MAGI1: variants seen among roughly 807,000 people sequenced by gnomAD.
MAGI1 encodes membrane-associated guanylate kinase, WW and PDZ domain-containing protein 1.
MAGI1 carries 58 observed loss-of-function variants against 139.9 expected under a neutral mutation model. That is an observed-to-expected ratio of 0.41 (90% CI 0.34 to 0.52). The LOEUF is 0.52. Ranked by LOEUF, MAGI1 falls within the 20% of genes least tolerant of loss-of-function variation. The pLI is 0.12. For synonymous variants in MAGI1, 812 were observed against 737.9 expected (o/e 1.10, Z -1.63); for missense variants, 1,874 against 1,901.6 (o/e 0.99, Z 0.27).
rs1207764959 is a variant in MAGI1 at position 65,418,302 on chromosome 3, C to G, written c.2167+11218G>C. Among the ~76,000 whole-genome samples the G allele has an allele frequency of 2.0e-5, 3 of 152,164 alleles. No homozygotes were observed. In the East Asian group the frequency reaches 5.8e-4, roughly 29 times the overall value. ...CTAACTAGATTGTGAGTACTATTTT[C>G]TCCTTATTTCAGAACTGTGCACAAA... On this transcript the variant is annotated intron_variant, in intron 12 of 22. Transcript: ENST00000402939.
intron 5 of MAGI1, among the ~76,000 whole-genome samples, chr3:65,460,081 C>T (rs1949670876): frequency 6.6e-6 from 1 of 152,138 alleles, no homozygotes; most frequent in Admixed American, 6.5e-5. Flanking sequence ...AAGAAATTTC[C>T]CTTAATTCCT....
At chr3:65,423,535 A>T (rs1265130651) in intron 12 of MAGI1, among the ~76,000 whole-genome samples, 1 of 152,244 alleles carries the variant, frequency 6.6e-6, no homozygotes, top group Non-Finnish European at 1.5e-5. Flanking sequence ...TACTTTGCCC[A>T]CAGACTTCAG....
intron 1 of MAGI1, among the ~76,000 whole-genome samples, chr3:65,760,610 G>A (rs1433790337): frequency 6.6e-6 from 1 of 152,062 alleles, no homozygotes; most frequent in African/African-American, 2.4e-5. Context: ...GTCTCCCTAT[G>A]TTGCCCAGTC....
At chr3:66,012,369 C>G (rs2067367365) in intron 1 of MAGI1, among the ~76,000 whole-genome samples, 1 of 151,884 alleles carries the variant, frequency 6.6e-6, no homozygotes, top group East Asian at 1.9e-4. Context: ...CAAGTTTTTC[C>G]TATAAATATA....
intron 1 of MAGI1, among the ~76,000 whole-genome samples, chr3:65,930,026 A>G (rs1397256854): frequency 6.6e-6 from 1 of 152,068 alleles, no homozygotes; most frequent in Non-Finnish European, 1.5e-5. Context: ...ATTAAAAATT[A>G]TATTTCTAGG....
intron 4 of MAGI1, 31 bp from the exon 5 acceptor site, chr3:65,470,515 G>GAC: frequency 7.3e-7 from 1 of 1,369,024 alleles, no homozygotes; most frequent in Non-Finnish European, 9.9e-7. Context: ...GTGAGAGAGA[G>GAC]AGAGAGAGAA....
At chr3:65,996,561 G>C in intron 1 of MAGI1, among the ~76,000 whole-genome samples, 2 of 144,694 alleles carry the variant, frequency 1.4e-5, no homozygotes, top group African/African-American at 5.2e-5. Context: ...GGGGAAGCGA[G>C]CCCCCACTTA....
chr3:65,360,990 T>G, intron 22 of MAGI1: 3 of 1,452,116 alleles, frequency 2.1e-6, no homozygotes, highest in Non-Finnish European at 2.7e-6. Flanking sequence ...AGATCTTGTC[T>G]TAGGCCATGC....
intron 1 of MAGI1, among the ~76,000 whole-genome samples, chr3:65,884,371 A>C (rs1478482816): frequency 6.6e-6 from 1 of 152,248 alleles, no homozygotes; most frequent in Non-Finnish European, 1.5e-5. Flanking sequence ...ATGGGGTGGA[A>C]GAACGAAGGG....
At chr3:65,478,163 C>T (rs1373887722) in intron 4 of MAGI1, among the ~76,000 whole-genome samples, 1 of 152,072 alleles carries the variant, frequency 6.6e-6, no homozygotes. Context: ...GCCTTCTATA[C>T]AGCATCAACT....
chr3:65,457,178 G>A lies in MAGI1; in HGVS notation c.960-3838C>T, dbSNP rs149643500. ...ATTCTGAGTCTTCCTGTATGTCCAC[G>A]AGACATTGTCTCAAAATAAAATAAA... is the stretch of plus-strand genomic sequence containing the variant. On this transcript the variant is annotated intron_variant, in intron 5 of 22. Transcript: ENST00000402939. 7.6e-3 allele frequency among the ~76,000 whole-genome samples: 1,157 copies of A among 152,072 alleles called. 12 individuals are homozygous for A. Among genetic ancestry groups the A allele is most frequent in the African/African-American group, 0.026 (1,082 of 41,494 alleles).
At chr3:65,846,824 C>T (rs2108367984) in intron 1 of MAGI1, among the ~76,000 whole-genome samples, 1 of 152,132 alleles carries the variant, frequency 6.6e-6, no homozygotes, top group East Asian at 1.9e-4. Context: ...CACATTGCCT[C>T]TGTGAGGAAG....
At chr3:65,908,745 C>A (rs2061539660) in intron 1 of MAGI1, among the ~76,000 whole-genome samples, 1 of 152,164 alleles carries the variant, frequency 6.6e-6, no homozygotes, top group Admixed American at 6.5e-5. Context: ...CCGACTTCCC[C>A]TCTGGAAAAT....
At chr3:65,409,401 G>T (rs755196730) in intron 12 of MAGI1, among the ~76,000 whole-genome samples, 1 of 152,114 alleles carries the variant, frequency 6.6e-6, no homozygotes, top group African/African-American at 2.4e-5. Context: ...GCATTTAATC[G>T]TGGGGTGGGG....
intron 18 of MAGI1, among the ~76,000 whole-genome samples, chr3:65,369,393 T>TGAACCGATGACAAG (rs1941758344): frequency 6.6e-6 from 1 of 152,066 alleles, no homozygotes; most frequent in East Asian, 1.9e-4. Flanking sequence ...AAGAATTAGA[T>TGAACCGATGACAAG]AGCATGAACT....
At chr3:65,978,638 T>G (rs2065387058) in intron 1 of MAGI1, among the ~76,000 whole-genome samples, 2 of 149,982 alleles carry the variant, frequency 1.3e-5, no homozygotes, top group Non-Finnish European at 3.0e-5. Context: ...TTTTTTTTTT[T>G]TCTTTTTGAG....
intron 2 of MAGI1, among the ~76,000 whole-genome samples, chr3:65,510,148 A>G (rs1274879983): frequency 6.6e-6 from 1 of 152,208 alleles, no homozygotes; most frequent in Non-Finnish European, 1.5e-5. Context: ...CCAAAAACCC[A>G]TCTGTACATC....
At chr3:65,623,121 C>T (rs1390285434) in intron 1 of MAGI1, among the ~76,000 whole-genome samples, 2 of 152,048 alleles carry the variant, frequency 1.3e-5, no homozygotes, top group Non-Finnish European at 2.9e-5. Context: ...GTTTCATGTA[C>T]AAAAAAGGAC....
chr3:65,702,843 C>CAAAT lies in MAGI1; in HGVS notation c.314-80756_314-80755insATTT, dbSNP rs1479954883. ...TCCTAAAGCCTTAATGCACACTTAT[C>CAAAT]ACATAAATAAATAAATAAGCAGCTC... On this transcript the variant is annotated intron_variant, in intron 1 of 22. Transcript: ENST00000402939. Among the ~76,000 whole-genome samples the CAAAT allele has an allele frequency of 2.9e-4, 44 of 152,102 alleles. No homozygotes were observed. In the South Asian group the frequency reaches 3.1e-3, roughly 11 times the overall value.
Sources: allele counts gnomAD v4.1 joint callset (sites outside exome capture counted in the v4.1 genomes callset), GRCh38; gene constraint gnomAD v4.1.1; transcripts MANE v1.5; gene names NCBI Gene and HGNC (gene_info 2026-07-23, HGNC 2026-07-21).